CCSER1: variants seen among roughly 807,000 people sequenced by gnomAD.
CCSER1 encodes the protein coiled-coil serine rich protein 1.
CCSER1 carries 41 observed loss-of-function variants against 82.0 expected under a neutral mutation model. That is an observed-to-expected ratio of 0.50 (90% confidence interval 0.39 to 0.65). The LOEUF is 0.65. Among genes scored for constraint, CCSER1 ranks in the 30% least tolerant of loss-of-function variants. The probability of loss-of-function intolerance (pLI) is 0.00; values close to 1 mark genes in which losing one functional copy is unlikely to be tolerated. For synonymous variants in CCSER1, 414 were observed against 383.9 expected, an observed-to-expected ratio of 1.08 and a Z score of -0.92; for missense variants, 1,119 against 1,064.2, an observed-to-expected ratio of 1.05 and a Z score of -0.72.
At chr4:90,312,258 G>T (rs1055139419) in intron 2 of CCSER1, among the ~76,000 whole-genome samples, 39 of 152,158 alleles carry the variant, frequency 2.6e-4, no homozygotes, top group African/African-American at 8.7e-4. Context: ...TGATGGAGGG[G>T]AGAGCAGGAC....
intron 8 of CCSER1, among the ~76,000 whole-genome samples, chr4:90,891,436 A>C (rs1414867723): frequency 2.0e-5 from 3 of 151,720 alleles, no homozygotes; most frequent in African/African-American, 7.2e-5. Context: ...TATTATATAC[A>C]TATCTAATTT....
chr4:90,932,592 C>T (rs1452356617), intron 9 of CCSER1, among the ~76,000 whole-genome samples: 1 of 151,880 alleles, frequency 6.6e-6, no homozygotes, highest in Non-Finnish European at 1.5e-5. Context: ...ACTTTGGTGG[C>T]CCAGGCGGGC....
chr4:91,171,547 A>C (rs894079423), intron 10 of CCSER1, among the ~76,000 whole-genome samples: 2 of 152,176 alleles, frequency 1.3e-5, no homozygotes, highest in Non-Finnish European at 2.9e-5. Flanking sequence ...TTACATACTC[A>C]ACATATAAAT....
chr4:91,059,149 C>T (rs1743712790), intron 9 of CCSER1, among the ~76,000 whole-genome samples: 2 of 151,832 alleles, frequency 1.3e-5, no homozygotes, highest in South Asian at 2.1e-4. Context: ...CCCTTGATAA[C>T]ATACTTTTAT....
chr4:90,704,282 T>A (rs941991440), intron 6 of CCSER1, among the ~76,000 whole-genome samples: 2 of 152,148 alleles, frequency 1.3e-5, no homozygotes, highest in South Asian at 2.1e-4. Flanking sequence ...TCTTTTCTTT[T>A]AGAATGTTGA....
In CCSER1 at chr4:91,177,976, C is replaced by T. The variant is rs78348955; in HGVS notation, c.2217+91982C>T. ...GCTATAAATTTCCCTCTACATACCG[C>T]TTTAAATGTGTCCCAGAGATTCTGG... On this transcript the variant is annotated intron_variant, in intron 10 of 10. Coordinates refer to ENST00000509176, the MANE Select transcript of CCSER1 (RefSeq NM_001145065.2). 3.3e-3 allele frequency among the ~76,000 whole-genome samples: 502 copies of T among 152,300 alleles called. 2 individuals carry two copies. Among genetic ancestry groups the T allele is most frequent in the African/African-American group, 0.012 (482 of 41,562 alleles).
intron 3 of CCSER1, among the ~76,000 whole-genome samples, chr4:90,334,526 T>G (rs1739999913): frequency 6.6e-6 from 1 of 151,076 alleles, no homozygotes; most frequent in Non-Finnish European, 1.5e-5. Context: ...AACTTTATAT[T>G]GCAATTTGTT....
chr4:90,341,449 G>A (rs1471740151), intron 3 of CCSER1, among the ~76,000 whole-genome samples: 2 of 152,034 alleles, frequency 1.3e-5, no homozygotes, highest in East Asian at 1.9e-4. Flanking sequence ...TCCACAAGGA[G>A]CATTTTTTAA....
At chr4:91,569,674 T>C (rs1763071261) in intron 10 of CCSER1, among the ~76,000 whole-genome samples, 1 of 151,854 alleles carries the variant, frequency 6.6e-6, no homozygotes, top group Admixed American at 6.6e-5. Flanking sequence ...AGCATGGGGG[T>C]AACTGCCATA....
At chr4:91,253,915 C>T (rs753449625) in intron 10 of CCSER1, among the ~76,000 whole-genome samples, 19 of 152,092 alleles carry the variant, frequency 1.2e-4, no homozygotes, top group East Asian at 3.9e-4. Context: ...CTCACTATCA[C>T]GAGGACAGTA....
At chr4:90,883,358 A>G (rs1229822205) in intron 8 of CCSER1, among the ~76,000 whole-genome samples, 1 of 152,064 alleles carries the variant, frequency 6.6e-6, no homozygotes, top group African/African-American at 2.4e-5. Context: ...ATATTTACTA[A>G]AAATGGTACA....
intron 10 of CCSER1, among the ~76,000 whole-genome samples, chr4:91,118,240 T>C (rs1561562714): frequency 6.6e-6 from 1 of 151,630 alleles, no homozygotes; most frequent in Non-Finnish European, 1.5e-5. Context: ...ACCTTCTTTG[T>C]GGTACTCTCT....
intron 7 of CCSER1, chr4:90,780,364 TG>T: frequency 2.8e-6 from 4 of 1,408,652 alleles, no homozygotes; most frequent in Non-Finnish European, 3.9e-6. Context: ...GTTTCATTGA[TG>T]ATCCCCAAAA....
At chr4:90,159,025 G>A (rs976005702) in intron 1 of CCSER1, among the ~76,000 whole-genome samples, 20 of 151,850 alleles carry the variant, frequency 1.3e-4, no homozygotes, top group East Asian at 1.2e-3. Flanking sequence ...TCTTGGCTCC[G>A]ACCTCCCTGT....
intron 6 of CCSER1, among the ~76,000 whole-genome samples, chr4:90,692,443 T>A (rs1177644253): frequency 6.6e-6 from 1 of 151,888 alleles, no homozygotes; most frequent in African/African-American, 2.4e-5. Context: ...AAATTATACA[T>A]GGGCAACTAA....
rs1340129950 is a variant in CCSER1 at position 91,471,985 on chromosome 4, AAG to A, written c.2218-126585_2218-126584del. 9.4e-3 allele frequency among the ~76,000 whole-genome samples: 1,407 copies of A among 150,386 alleles called. 11 individuals are homozygous for A. The highest frequency in any genetic ancestry group is 0.02 in the Middle Eastern group (6 of 294). On this transcript the variant is annotated intron_variant, in intron 10 of 10. Coordinates refer to ENST00000509176, the MANE Select transcript of CCSER1 (RefSeq NM_001145065.2). ...ACTCCATCTCAAAAAAAAAAAAAAA[AAG>A]AAAAAAAAGAAAAAAACTAAAGATT...
rs1764835528 is a variant in CCSER1, at chr4:91,602,020, G to GTCTT, written c.*2965_*2968dup. ...ATTTTTGCTTCTTTGGAGCACCATA[G>GTCTT]TCTTTGTTCAAATCACAACATGAAA... is the stretch of plus-strand genomic sequence containing the variant. On this transcript the variant is annotated 3_prime_UTR_variant, in exon 11 of 11. Transcript: ENST00000509176. 6.6e-6 allele frequency: 1 copy of GTCTT among 152,020 alleles called. No homozygotes were observed. The highest frequency in any genetic ancestry group is 1.5e-5 in the Non-Finnish European group (1 of 67,942). The allele number at this position is 152,020 out of a possible 1,614,324, so 9.4% of individuals were successfully genotyped here. A position where few individuals can be genotyped will look rare whatever the true frequency, so the allele number is the denominator to read the frequency against.
At chr4:90,604,993 A>C (rs912064920) in intron 5 of CCSER1, among the ~76,000 whole-genome samples, 3 of 135,502 alleles carry the variant, frequency 2.2e-5, no homozygotes, top group Non-Finnish European at 3.0e-5. Context: ...GCGGCAACTG[A>C]GTGAGCTCCG....
rs558802883 is a variant in CCSER1 at position 90,519,835 on chromosome 4, C to T, written c.1724+51481C>T. Among the ~76,000 whole-genome samples, 3 of 152,094 alleles carry T rather than the reference C, an allele frequency of 2.0e-5. No individual in the cohort carries two copies. The East Asian group carries it at 5.8e-4, about 29-fold the overall frequency. On this transcript the variant is annotated intron_variant, in intron 5 of 10. Transcript: ENST00000509176. ...AACATTTAATTATCTCAGAACATCT[C>T]TGTTCTACCAATGACTAACAGATTC...
Sources: gnomAD v4.1 joint callset for allele counts (sites outside exome capture counted in the v4.1 genomes callset) on GRCh38, gnomAD v4.1.1 for gene constraint, MANE v1.5 for transcripts, NCBI Gene and HGNC (gene_info 2026-07-23, HGNC 2026-07-21) for gene names.